Variants in RUNX1 observed in about 807,000 individuals in gnomAD.
The protein encoded by RUNX1 is runt-related transcription factor 1.
RUNX1 carries 19 observed loss-of-function variants against 42.8 expected under a neutral mutation model. The observed-to-expected ratio is 0.44, with a 90% CI of 0.31 to 0.65. The LOEUF (loss-of-function observed/expected upper bound fraction) is 0.65. Ranked by LOEUF, RUNX1 falls within the 30% of genes least tolerant of loss-of-function variation. The probability of loss-of-function intolerance (pLI) is 0.07; values close to 1 mark genes in which losing one functional copy is unlikely to be tolerated. For synonymous variants in RUNX1, 271 were observed against 289.4 expected (o/e 0.94, Z 0.64); for missense variants, 528 against 672.0 (o/e 0.79, Z 2.37).
intron 3 of RUNX1, 167 bp from the exon 4 acceptor site, chr21:34,887,263 A>AC: frequency 3.6e-6 from 2 of 551,332 alleles, no homozygotes; most frequent in African/African-American, 4.3e-5. Flanking sequence ...GGGGGTGGTT[A>AC]GGGGAGGAGG....
chr21:34,874,643 C>T (rs1210827262), intron 5 of RUNX1, among the ~76,000 whole-genome samples: 1 of 119,276 alleles, frequency 8.4e-6, no homozygotes, highest in African/African-American at 4.1e-5. Context: ...AAAGACAGTA[C>T]ACCATCTCTC....
intron 3 of RUNX1, chr21:34,888,700 GC>G: frequency 9.7e-7 from 1 of 1,035,692 alleles, no homozygotes; most frequent in Non-Finnish European, 1.2e-6. Context: ...GAATGAGAGT[GC>G]CTGGAAATGA....
chr21:34,970,262 G>A (rs190168789), intron 2 of RUNX1, among the ~76,000 whole-genome samples: 3 of 152,334 alleles, frequency 2.0e-5, no homozygotes, highest in East Asian at 1.9e-4. Flanking sequence ...GTCAGGAGAC[G>A]TGGTGGAGAG....
At chr21:34,968,647 C>T (rs1380685509) in intron 2 of RUNX1, among the ~76,000 whole-genome samples, 12 of 145,080 alleles carry the variant, frequency 8.3e-5, no homozygotes, top group Non-Finnish European at 1.5e-4. Flanking sequence ...GTGTGCCTGG[C>T]TGCCAGGCAC....
intron 2 of RUNX1, chr21:35,038,711 T>G (rs1293556912): frequency 2.2e-6 from 1 of 455,628 alleles, no homozygotes; most frequent in East Asian, 7.0e-5. Context: ...GAGCTTTGAA[T>G]CAGGAGTGAT....
chr21:34,816,199 T>G (rs2056823612), intron 7 of RUNX1, among the ~76,000 whole-genome samples: 1 of 152,182 alleles, frequency 6.6e-6, no homozygotes, highest in African/African-American at 2.4e-5. Flanking sequence ...AACAAACAGT[T>G]TTGACTTGCT....
At chr21:34,830,032 C>T (rs2146046160) in intron 7 of RUNX1, 1 of 152,288 alleles carries the variant, frequency 6.6e-6, no homozygotes, top group African/African-American at 2.4e-5. Context: ...AGAATATAGT[C>T]CTTCCTAAGT....
chr21:34,868,024 C>T (rs771210688), intron 5 of RUNX1, among the ~76,000 whole-genome samples: 7 of 152,208 alleles, frequency 4.6e-5, no homozygotes, highest in Non-Finnish European at 7.4e-5. Flanking sequence ...GCTGGGAGGC[C>T]TGAGGCATGG....
chr21:34,960,765 G>T (rs375280250), intron 2 of RUNX1, among the ~76,000 whole-genome samples: 9 of 152,276 alleles, frequency 5.9e-5, no homozygotes, highest in Admixed American at 3.3e-4. Flanking sequence ...TGTGACCGAT[G>T]AACAAACTCT....
intron 2 of RUNX1, among the ~76,000 whole-genome samples, chr21:35,023,553 G>A (rs1180037402): frequency 6.6e-6 from 1 of 152,216 alleles, no homozygotes; most frequent in Non-Finnish European, 1.5e-5. Context: ...AGGCACTCAG[G>A]TGGTTCAAGT....
At chr21:34,954,432 G>A (rs562397241) in intron 2 of RUNX1, among the ~76,000 whole-genome samples, 1 of 152,308 alleles carries the variant, frequency 6.6e-6, no homozygotes, top group Non-Finnish European at 1.5e-5. Flanking sequence ...TCAAAGGCAG[G>A]AGGGTAAAGA....
At chr21:34,818,563 G>A (rs576830617) in intron 7 of RUNX1, among the ~76,000 whole-genome samples, 7 of 152,260 alleles carry the variant, frequency 4.6e-5, no homozygotes, top group Admixed American at 3.3e-4. Context: ...TCAGACAGGT[G>A]TGAGATTGGA....
intron 6 of RUNX1, among the ~76,000 whole-genome samples, chr21:34,844,687 T>C (rs1456692810): frequency 6.6e-6 from 1 of 152,224 alleles, no homozygotes; most frequent in Non-Finnish European, 1.5e-5. Flanking sequence ...TCTCCTCCTC[T>C]GTACTTCTAA....
At chr21:34,889,767 G>T (rs1042788326) in intron 3 of RUNX1, 11 of 1,152,064 alleles carry the variant, frequency 9.5e-6, no homozygotes, top group Admixed American at 5.2e-5. Context: ...CCCCGCCCCC[G>T]GTCCGGCGTG....
chr21:34,955,873 T>C (rs950587746), intron 2 of RUNX1, among the ~76,000 whole-genome samples: 5 of 152,204 alleles, frequency 3.3e-5, no homozygotes, highest in Non-Finnish European at 5.9e-5. Context: ...GAACATTTGG[T>C]TGCTTTTCCG....
chr21:34,834,203 A>G, intron 7 of RUNX1: 1 of 700,820 alleles, frequency 1.4e-6, no homozygotes, highest in Non-Finnish European at 2.6e-6. Context: ...GTTACAATGC[A>G]GATCTGACTC....
intron 2 of RUNX1, among the ~76,000 whole-genome samples, chr21:34,973,924 C>T (rs531317207): frequency 6.6e-6 from 1 of 152,080 alleles, no homozygotes; most frequent in African/African-American, 2.4e-5. Flanking sequence ...TTTCATACTT[C>T]CACAAGTGCA....
chr21:35,038,948 A>C (rs1024170907), intron 2 of RUNX1: 11 of 345,242 alleles, frequency 3.2e-5, no homozygotes, highest in Non-Finnish European at 6.3e-5. Context: ...CTAAGGAGCC[A>C]GGTGGGCAGG....
At chr21:34,870,428 G>T (rs1168539023) in intron 5 of RUNX1, among the ~76,000 whole-genome samples, 1 of 152,246 alleles carries the variant, frequency 6.6e-6, no homozygotes, top group Non-Finnish European at 1.5e-5. Flanking sequence ...GGGGCGATTT[G>T]CCCCCAGGGG....
Sources: allele counts gnomAD v4.1 joint callset (sites outside exome capture counted in the v4.1 genomes callset), GRCh38; gene constraint gnomAD v4.1.1; transcripts MANE v1.5; gene names NCBI Gene and HGNC (gene_info 2026-07-23, HGNC 2026-07-21).